FRMD3: variants seen among roughly 807,000 people sequenced by gnomAD.
The protein encoded by FRMD3 is FERM domain containing 3, also known as FERM domain-containing protein 3.
Under a neutral mutation model 70.2 loss-of-function variants are expected in FRMD3, and 33 were observed. The observed-to-expected ratio is 0.47, with a 90% CI of 0.36 to 0.63. The LOEUF (loss-of-function observed/expected upper bound fraction) is 0.63. Ranked by LOEUF, FRMD3 falls within the 20% of genes least tolerant of loss-of-function variation. The probability of loss-of-function intolerance (pLI) is 0.00; values close to 1 mark genes in which losing one functional copy is unlikely to be tolerated. For synonymous variants in FRMD3, 279 were observed against 255.9 expected (o/e 1.09, Z -0.86); for missense variants, 632 against 711.4 (o/e 0.89, Z 1.27).
At chr9:83,570,073 T>C in the FRMD3 span, among the ~76,000 whole-genome samples, 4 of 152,332 alleles carry the variant, frequency 2.6e-5, no homozygotes, top group Non-Finnish European at 5.9e-5. Flanking sequence ...AAGTGGTTCA[T>C]GTTGCTCAAA....
At chr9:83,481,636 G>T (rs765726033) in intron 1 of FRMD3, among the ~76,000 whole-genome samples, 6 of 152,238 alleles carry the variant, frequency 3.9e-5, no homozygotes, top group Non-Finnish European at 5.9e-5. Context: ...AACCCAAATT[G>T]CATGTGTAAA....
chr9:83,436,815 C>A, intron 1 of FRMD3, among the ~76,000 whole-genome samples: 1 of 144,990 alleles, frequency 6.9e-6, no homozygotes. Context: ...GACAGCTAGA[C>A]AGGAAAAGAA....
intron 5 of FRMD3, among the ~76,000 whole-genome samples, chr9:83,337,726 T>C (rs1424687994): frequency 6.6e-6 from 1 of 152,358 alleles, no homozygotes. Context: ...TGTCCCTTCA[T>C]TGTCACATCA....
At position 83,464,959 on chromosome 9, in the gene FRMD3, G is replaced by A. The variant is rs567974451; in HGVS notation, c.147+73126C>T. Among the ~76,000 whole-genome samples, 11 of 145,184 alleles carry A rather than the reference G, an allele frequency of 7.6e-5. No homozygotes were observed. In the East Asian group the frequency reaches 2.5e-3, roughly 32 times the overall value. On this transcript the variant is annotated intron_variant, in intron 1 of 13. Transcript: ENST00000304195. The stretch of plus-strand genomic sequence containing the variant: ...TGTTTGAACCCAGGAGATTGAGGTT[G>A]CAGTGAGCCAATATTGCACCACTGC...
At chr9:83,485,354 C>T (rs1828665483) in intron 1 of FRMD3, among the ~76,000 whole-genome samples, 1 of 152,228 alleles carries the variant, frequency 6.6e-6, no homozygotes, top group South Asian at 2.1e-4. Context: ...AAGCACATGA[C>T]TGATTTTCCA....
At chr9:83,356,743 A>AT (rs35678880) in intron 3 of FRMD3, among the ~76,000 whole-genome samples, 14,231 of 151,592 alleles carry the variant, frequency 0.094, 728 homozygotes, top group East Asian at 0.17. Context: ...CTTTTTAACA[A>AT]TTTTTTTTAT....
rs1824397375 is a variant in FRMD3, at chr9:83,357,240, TACATACATATA to T, written c.296-7494_296-7484del. Among the ~76,000 whole-genome samples, 3 of 7,594 alleles carry T rather than the reference TACATACATATA, an allele frequency of 4.0e-4. No individual in the cohort carries two copies. The South Asian group carries it at 0.015, about 39-fold the overall frequency. The allele number at this position is 7,594 out of a possible 152,430, so 5.0% of individuals were successfully genotyped here. On this transcript the variant is annotated intron_variant, in intron 3 of 13. Transcript: ENST00000304195. The stretch of plus-strand genomic sequence containing the variant: ...ATATATATATTTTATATATATATAA[TACATACATATA>T]TATATATATATATATATATATATAT...
chr9:83,335,717 C>CT (rs1823555991), intron 5 of FRMD3, 78 bp from the exon 6 acceptor site: 1 of 1,280,366 alleles, frequency 7.8e-7, no homozygotes, highest in South Asian at 1.4e-5. Context: ...GGAGTGCCTC[C>CT]TGCCATCCAA....
intron 13 of FRMD3, among the ~76,000 whole-genome samples, chr9:83,249,880 G>A (rs1006310717): frequency 6.6e-6 from 1 of 152,038 alleles, no homozygotes; most frequent in African/African-American, 2.4e-5. Context: ...GCCATTGTGA[G>A]AAAAAAATTG....
At chr9:83,469,695 A>AT (rs1478702991) in intron 1 of FRMD3, among the ~76,000 whole-genome samples, 1 of 152,236 alleles carries the variant, frequency 6.6e-6, no homozygotes, top group Non-Finnish European at 1.5e-5. Context: ...AGAAAAAAAA[A>AT]ACACATTAAA....
At chr9:83,458,498 G>A (rs1827883402) in intron 1 of FRMD3, among the ~76,000 whole-genome samples, 1 of 152,162 alleles carries the variant, frequency 6.6e-6, no homozygotes. Context: ...AATTTACTCA[G>A]CTCAAGACCC....
rs532534211 is a variant in FRMD3, at chr9:83,336,550, C to T, written c.473-911G>A. Reference sequence around the variant, plus strand: ...TGAAAAATCACTAGAAGGAACCCAGCGGGATTGCACTTAAAAACAAATTGA... The same window carrying T: ...TGAAAAATCACTAGAAGGAACCCAGTGGGATTGCACTTAAAAACAAATTGA... On this transcript the variant is annotated intron_variant, in intron 5 of 13. Transcript: ENST00000304195. Among the ~76,000 whole-genome samples, 4 of 149,994 alleles carry T rather than the reference C, an allele frequency of 2.7e-5. No individual in the cohort carries two copies. The East Asian group carries it at 5.9e-4, about 22-fold the overall frequency.
the FRMD3 span, among the ~76,000 whole-genome samples, chr9:83,557,611 A>G: frequency 6.6e-6 from 1 of 152,252 alleles, no homozygotes; most frequent in East Asian, 1.9e-4. Context: ...ATTGATTGGT[A>G]TAAGTACAGA....
chr9:83,534,004 G>A (rs548370201), intron 1 of FRMD3, among the ~76,000 whole-genome samples: 1 of 152,302 alleles, frequency 6.6e-6, no homozygotes, highest in African/African-American at 2.4e-5. Context: ...AGAAAAAAAA[G>A]TAGATAGAAG....
At chr9:83,456,034 C>A (rs1250128228) in intron 1 of FRMD3, among the ~76,000 whole-genome samples, 1 of 152,144 alleles carries the variant, frequency 6.6e-6, no homozygotes, top group African/African-American at 2.4e-5. Flanking sequence ...GGAAAGTAAG[C>A]CTCCTCCTGC....
chr9:83,419,469 T>TGC (rs1405979938), intron 1 of FRMD3, among the ~76,000 whole-genome samples: 3 of 151,692 alleles, frequency 2.0e-5, no homozygotes, highest in Non-Finnish European at 2.9e-5. Flanking sequence ...TGTGTGTGTG[T>TGC]GTGTTCATGT....
chr9:83,315,345 G>T (rs1050053759), intron 6 of FRMD3, among the ~76,000 whole-genome samples: 2 of 152,172 alleles, frequency 1.3e-5, no homozygotes, highest in East Asian at 3.9e-4. Flanking sequence ...GCCTCCAGAG[G>T]TTGAGGGAAG....
At chr9:83,533,312 T>A (rs542175295) in intron 1 of FRMD3, among the ~76,000 whole-genome samples, 28 of 152,312 alleles carry the variant, frequency 1.8e-4, no homozygotes, top group Admixed American at 6.5e-4. Flanking sequence ...AAAATGGAGA[T>A]AATGGATAGT....
chr9:83,266,099 T>G (rs1833242788), intron 13 of FRMD3, among the ~76,000 whole-genome samples: 1 of 152,010 alleles, frequency 6.6e-6, no homozygotes, highest in African/African-American at 2.4e-5. Context: ...GTAAGAAAAC[T>G]AATTCTGCAA....
Sources: allele counts gnomAD v4.1 joint callset (sites outside exome capture counted in the v4.1 genomes callset), GRCh38; gene constraint gnomAD v4.1.1; transcripts MANE v1.5; gene names NCBI Gene and HGNC (gene_info 2026-07-23, HGNC 2026-07-21).